SERPINB5: variants seen among roughly 807,000 people sequenced by gnomAD.
The protein encoded by SERPINB5 is serpin B5.
SERPINB5 carries 27 observed loss-of-function variants against 32.2 expected under a neutral mutation model. That is an observed-to-expected ratio of 0.84 (90% CI 0.62 to 1.16). SERPINB5 has a LOEUF of 1.16. Ranked by LOEUF, SERPINB5 falls within the 50% of genes most tolerant of loss-of-function variation. The pLI is 0.00. For missense variants in SERPINB5, 388 were observed against 436.3 expected (o/e 0.89, Z 0.99); for synonymous variants, 154 against 157.4 (o/e 0.98, Z 0.16).
chr18:63,483,447 G>A (rs899768871), intron 1 of SERPINB5, among the ~76,000 whole-genome samples: 1 of 152,244 alleles, frequency 6.6e-6, no homozygotes, highest in Non-Finnish European at 1.5e-5. Flanking sequence ...AAAGGCATTA[G>A]TTACTTTAAG....
At chr18:63,499,398 C>A in intron 6 of SERPINB5, 111 bp downstream of exon 6, 1 of 916,728 alleles carries the variant, frequency 1.1e-6, no homozygotes, top group Non-Finnish European at 1.5e-6. Context: ...TCCCTTATTG[C>A]CACTGGCTCA....
chr18:63,492,908 T>G (rs750556327), intron 4 of SERPINB5, 45 bp from the exon 5 acceptor site: 35 of 1,584,076 alleles, frequency 2.2e-5, no homozygotes, highest in Non-Finnish European at 3.0e-5. Context: ...AGATGTAGTT[T>G]GGAAGAATAA....
chr18:63,496,966 G>T, intron 5 of SERPINB5: 2 of 477,052 alleles, frequency 4.2e-6, no homozygotes, highest in Non-Finnish European at 8.2e-6. Flanking sequence ...GAGACCAAGG[G>T]CTAAAGTTGG....
At chr18:63,496,895 T>G in intron 5 of SERPINB5, 1 of 328,188 alleles carries the variant, frequency 3.0e-6, no homozygotes, top group Non-Finnish European at 6.0e-6. Context: ...GGGCAGTGCT[T>G]GGACATAAAA....
intron 1 of SERPINB5, among the ~76,000 whole-genome samples, chr18:63,478,916 C>A (rs1049029646): frequency 6.6e-6 from 1 of 152,038 alleles, no homozygotes; most frequent in African/African-American, 2.4e-5. Context: ...CGTGCCACCA[C>A]GCCCGGCTAA....
chr18:63,478,758 GT>G lies in SERPINB5; in HGVS notation c.-8+1729del, dbSNP rs10669993. 3.1e-4 allele frequency among the ~76,000 whole-genome samples: 42 copies of G among 135,390 alleles called. 1 individual carries two copies. Among genetic ancestry groups the G allele is most frequent in the South Asian group, 4.6e-4 (2 of 4,310 alleles). 88.8% of individuals were successfully genotyped at this position (135,390 alleles called of 152,430 possible). On this transcript the variant is annotated intron_variant, in intron 1 of 6. Transcript: ENST00000382771. ...GATACTCTGACACAGTAAAAACGTA[GT>G]TTTTTTTTTTTTTTTCTTGAGATGG...
At chr18:63,500,776 G>T (rs1190995687) in intron 6 of SERPINB5, among the ~76,000 whole-genome samples, 1 of 152,140 alleles carries the variant, frequency 6.6e-6, no homozygotes, top group African/African-American at 2.4e-5. Context: ...TCAGTGATTT[G>T]CTGACTTTCC....
intron 6 of SERPINB5, among the ~76,000 whole-genome samples, chr18:63,500,337 A>G (rs1909545368): frequency 6.6e-6 from 1 of 151,678 alleles, no homozygotes; most frequent in African/African-American, 2.4e-5. Context: ...TGCTAGGATT[A>G]TAGGCATGAG....
Position 63,499,175 on chromosome 18 carries a change from A to G in SERPINB5, c.623A>G (p.Asn208Ser). The change falls in exon 6 of 7, where the codon AAC (asparagine) becomes AGC (serine). Residue 208 changes from asparagine (N) to serine (S), a missense_variant. By Grantham distance (46) the Asn-to-Ser change is conservative (BLOSUM62 1). Transcript: ENST00000382771. ...MNMEATFCMG[N>S]IDSINCKIIE... ...ATGGAGGCCACGTTCTGTATGGGAA[A>G]CATTGACAGTATCAATTGTAAGATC... is the stretch of plus-strand genomic sequence containing the variant. 2 of 1,601,428 alleles carry G rather than the reference A, an allele frequency of 1.2e-6. No homozygotes were observed. The highest frequency in any genetic ancestry group is 1.1e-5 in the South Asian group (1 of 88,854).
intron 3 of SERPINB5, 33 bp from the exon 4 acceptor site, chr18:63,489,307 TGACTACA>T (rs1387043068): frequency 8.6e-7 from 1 of 1,159,470 alleles, no homozygotes; most frequent in Non-Finnish European, 1.3e-6. Flanking sequence ...TGCAATAGCT[TGACTACA>T]GACTCTGATT....
At chr18:63,496,192 T>C (rs190023256) in intron 5 of SERPINB5, among the ~76,000 whole-genome samples, 9 of 152,298 alleles carry the variant, frequency 5.9e-5, no homozygotes, top group African/African-American at 2.2e-4. Context: ...ATAAGTGAAA[T>C]TGATGACAGT....
Position 63,503,480 on chromosome 18 carries a change from A to G in SERPINB5, c.886A>G (p.Ile296Val). Residue 296 changes from isoleucine (I) to valine (V), a missense_variant, in exon 7 of 7, where the codon ATC becomes GTC. Physicochemically the swap from Ile to Val is conservative, Grantham distance 29. Coordinates refer to ENST00000382771, the MANE Select transcript of SERPINB5 (RefSeq NM_002639.5). ...ACLENLGLKH[I>V]FSEDTSDFSG... ...TCTGGAAAATCTAGGGCTGAAACAT[A>G]TCTTCAGTGAAGACACATCTGATTT... is the stretch of plus-strand genomic sequence containing the variant. 7 of 1,614,212 alleles carry G rather than the reference A, an allele frequency of 4.3e-6. No homozygotes were observed. Among genetic ancestry groups the G allele is most frequent in the Non-Finnish European group, 5.1e-6 (6 of 1,180,030 alleles).
At chr18:63,480,123 T>C (rs999015693) in intron 1 of SERPINB5, among the ~76,000 whole-genome samples, 6 of 152,168 alleles carry the variant, frequency 3.9e-5, no homozygotes, top group African/African-American at 1.2e-4. Flanking sequence ...TCTGCCTCAT[T>C]TTCCTCATCT....
At chr18:63,494,441 A>T (rs989401478) in intron 5 of SERPINB5, among the ~76,000 whole-genome samples, 1 of 151,614 alleles carries the variant, frequency 6.6e-6, no homozygotes, top group Non-Finnish European at 1.5e-5. Context: ...CTATATGATG[A>T]TGTGATGTGG....
chr18:63,486,871 A>G (rs1382186137), intron 2 of SERPINB5, 75 bp from the exon 3 acceptor site: 1 of 1,524,632 alleles, frequency 6.6e-7, no homozygotes, highest in African/African-American at 1.4e-5. Flanking sequence ...GACGTTGGTC[A>G]TTATCACGTG....
intron 1 of SERPINB5, among the ~76,000 whole-genome samples, chr18:63,478,622 A>G (rs1333416621): frequency 2.6e-5 from 4 of 152,192 alleles, no homozygotes; most frequent in African/African-American, 9.7e-5. Flanking sequence ...ATAATAGGCA[A>G]GGTTTCTCAT....
chr18:63,478,375 G>GC (rs1346044320), intron 1 of SERPINB5, among the ~76,000 whole-genome samples: 8 of 152,086 alleles, frequency 5.3e-5, no homozygotes, highest in Non-Finnish European at 1.0e-4. Flanking sequence ...CAAAGCAGAC[G>GC]CCCCCCTGCC....
intron 5 of SERPINB5, chr18:63,497,059 C>T (rs923365839): frequency 5.2e-6 from 3 of 573,108 alleles, no homozygotes; most frequent in Non-Finnish European, 1.0e-5. Flanking sequence ...CTAATCCGGC[C>T]TGTGTCTGCC....
chr18:63,490,546 T>G (rs1380970600), intron 4 of SERPINB5: 6 of 152,168 alleles, frequency 3.9e-5, no homozygotes, highest in Non-Finnish European at 8.8e-5. Flanking sequence ...CAGTCGCTGC[T>G]GTCTAGGGAG....
Sources: gnomAD v4.1 joint callset for allele counts (sites outside exome capture counted in the v4.1 genomes callset) on GRCh38, gnomAD v4.1.1 for gene constraint, MANE v1.5 for transcripts, NCBI Gene and HGNC (gene_info 2026-07-23, HGNC 2026-07-21) for gene names.